Variants in KCNB2 observed in about 807,000 individuals in gnomAD.
KCNB2 encodes the protein potassium voltage-gated channel subfamily B member 2, also known as delayed rectifier potassium channel protein.
Under a neutral mutation model 61.5 loss-of-function variants are expected in KCNB2, and 15 were observed. That is an observed-to-expected ratio of 0.24 (90% CI 0.16 to 0.38). The LOEUF (loss-of-function observed/expected upper bound fraction) is 0.38, where lower values mean the gene tolerates loss of function less well. Among genes scored for constraint, KCNB2 ranks in the 10% least tolerant of loss-of-function variants. KCNB2 has a pLI of 1.00. For missense variants in KCNB2, 828 were observed against 1,125.2 expected (o/e 0.74, Z 3.78); for synonymous variants, 457 against 446.0 (o/e 1.02, Z -0.31).
chr8:72,768,470 C>G (rs1808498051), intron 2 of KCNB2, among the ~76,000 whole-genome samples: 1 of 151,920 alleles, frequency 6.6e-6, no homozygotes, highest in African/African-American at 2.4e-5. Flanking sequence ...CTACCGGGCC[C>G]AGCCATCTTT....
intron 2 of KCNB2, among the ~76,000 whole-genome samples, chr8:72,926,559 C>G (rs916298292): frequency 6.6e-6 from 1 of 151,862 alleles, no homozygotes; most frequent in Admixed American, 6.6e-5. Context: ...GATATTAAGC[C>G]CAGCACCCAT....
In KCNB2 at chr8:72,597,672, T is replaced by C. The variant is rs116499800; in HGVS notation, c.579+29359T>C. ...TAGAAGAAGAATTAACTTTATTGGG[T>C]AGGTGAGTACAGTTTAGCCATAATG... On this transcript the variant is annotated intron_variant, in intron 2 of 2. Coordinates refer to ENST00000523207, the MANE Select transcript of KCNB2 (RefSeq NM_004770.3). 4.0e-3 allele frequency among the ~76,000 whole-genome samples: 604 copies of C among 152,262 alleles called. 5 individuals are homozygous for C. Among genetic ancestry groups the C allele is most frequent in the African/African-American group, 0.014 (569 of 41,554 alleles).
At chr8:72,654,212 A>G (rs1159744583) in intron 2 of KCNB2, among the ~76,000 whole-genome samples, 1 of 152,152 alleles carries the variant, frequency 6.6e-6, no homozygotes, top group Non-Finnish European at 1.5e-5. Flanking sequence ...CTTCTGTTCC[A>G]CAGCAAATAT....
At chr8:72,863,130 G>T (rs1294951706) in intron 2 of KCNB2, among the ~76,000 whole-genome samples, 1 of 152,120 alleles carries the variant, frequency 6.6e-6, no homozygotes, top group Non-Finnish European at 1.5e-5. Context: ...ATCCAATTCA[G>T]TTCTGCCTAG....
At position 72,824,234 on chromosome 8, in the gene KCNB2, C is replaced by T. The variant is rs77251398; in HGVS notation, c.580-111701C>T. 7.4e-3 allele frequency among the ~76,000 whole-genome samples: 1,132 copies of T among 152,162 alleles called. 12 individuals are homozygous for T. The highest frequency in any genetic ancestry group is 0.02 in the African/African-American group (847 of 41,504). ...CTTCATGCCACCCCCTTCCTGTATC[C>T]GTTCTGCAGGAGTAGGGTGAGACGC... On this transcript the variant is annotated intron_variant, in intron 2 of 2. Transcript: ENST00000523207.
rs142315598 is a variant in KCNB2 at position 72,686,958 on chromosome 8, T to C, written c.579+118645T>C. Reference sequence around the variant, plus strand: ...TAATGAGGATAGGCTGTCTCCACATTCCTGTAGAATTCCCTGGAGAAATCT... The same window carrying C: ...TAATGAGGATAGGCTGTCTCCACATCCCTGTAGAATTCCCTGGAGAAATCT... On this transcript the variant is annotated intron_variant, in intron 2 of 2. Transcript: ENST00000523207. Among the ~76,000 whole-genome samples, 52 of 152,294 alleles carry C rather than the reference T, an allele frequency of 3.4e-4. 1 individual carries two copies. The highest frequency in any genetic ancestry group is 1.3e-3 in the African/African-American group (52 of 41,568).
chr8:72,685,323 A>G (rs1232684079), intron 2 of KCNB2, among the ~76,000 whole-genome samples: 2 of 152,118 alleles, frequency 1.3e-5, no homozygotes, highest in African/African-American at 4.8e-5. Context: ...TCTGAAAAAT[A>G]TATATATAAA....
chr8:72,884,681 C>G (rs1805772657), intron 2 of KCNB2, among the ~76,000 whole-genome samples: 1 of 152,102 alleles, frequency 6.6e-6, no homozygotes, highest in Non-Finnish European at 1.5e-5. Context: ...TTTATCTTTT[C>G]CATGCTTATC....
intron 2 of KCNB2, among the ~76,000 whole-genome samples, chr8:72,693,365 A>T (rs1366164747): frequency 6.6e-6 from 1 of 152,094 alleles, no homozygotes; most frequent in Non-Finnish European, 1.5e-5. Context: ...CACTCCTGTG[A>T]CACCTCTTGT....
chr8:72,809,839 T>G (rs1000831764), intron 2 of KCNB2, among the ~76,000 whole-genome samples: 1 of 152,196 alleles, frequency 6.6e-6, no homozygotes, highest in African/African-American at 2.4e-5. Context: ...TAATGCCTTT[T>G]GCAAAGGTAC....
rs77668432 is a variant in KCNB2 at position 72,798,118 on chromosome 8, G to A, written c.580-137817G>A. Reference sequence around the variant, plus strand: ...AACACATAGCAATTCTGCATTTGCCGTTGATGCTAAGCAGCAACTTACATC... The same window carrying A: ...AACACATAGCAATTCTGCATTTGCCATTGATGCTAAGCAGCAACTTACATC... On this transcript the variant is annotated intron_variant, in intron 2 of 2. Coordinates refer to ENST00000523207, the MANE Select transcript of KCNB2 (RefSeq NM_004770.3). Among the ~76,000 whole-genome samples, 119 of 152,018 alleles carry A rather than the reference G, an allele frequency of 7.8e-4. 1 individual carries two copies. The East Asian group carries it at 0.021, about 26-fold the overall frequency.
intron 2 of KCNB2, among the ~76,000 whole-genome samples, chr8:72,787,093 A>G (rs1197198490): frequency 6.6e-6 from 1 of 152,210 alleles, no homozygotes; most frequent in Admixed American, 6.5e-5. Flanking sequence ...TTCCCCTGAC[A>G]CAGGGAGTAA....
intron 2 of KCNB2, among the ~76,000 whole-genome samples, chr8:72,756,593 A>T (rs1372573570): frequency 6.6e-6 from 1 of 152,236 alleles, no homozygotes; most frequent in African/African-American, 2.4e-5. Flanking sequence ...TTCCTAATTG[A>T]TTCCAATGTT....
In KCNB2 at chr8:72,654,238, G is replaced by A. The variant is rs1205564056; in HGVS notation, c.579+85925G>A. Among the ~76,000 whole-genome samples the A allele has an allele frequency of 3.9e-5, 6 of 152,120 alleles. No individual in the cohort carries two copies. The South Asian group carries it at 8.3e-4, about 21-fold the overall frequency. ...CAGCAAATATCATCTTCCAAAGAGC[G>A]TAAACCTAGATACCTCACTGGGGCC... On this transcript the variant is annotated intron_variant, in intron 2 of 2. Coordinates refer to ENST00000523207, the MANE Select transcript of KCNB2 (RefSeq NM_004770.3).
At chr8:72,690,746 T>A (rs1009897120) in intron 2 of KCNB2, among the ~76,000 whole-genome samples, 1 of 152,228 alleles carries the variant, frequency 6.6e-6, no homozygotes, top group African/African-American at 2.4e-5. Flanking sequence ...AAGTACATTA[T>A]GATTATTTCT....
intron 2 of KCNB2, among the ~76,000 whole-genome samples, chr8:72,719,539 C>A (rs1017016820): frequency 1.3e-5 from 2 of 152,070 alleles, no homozygotes; most frequent in South Asian, 4.2e-4. Context: ...AAGTGGCTAG[C>A]GTTTTCATAT....
At chr8:72,633,149 C>T (rs191023936) in intron 2 of KCNB2, among the ~76,000 whole-genome samples, 18 of 152,166 alleles carry the variant, frequency 1.2e-4, no homozygotes, top group East Asian at 5.8e-4. Flanking sequence ...AGGTTATTGG[C>T]GGAAAGAGGA....
At chr8:72,664,387 G>A (rs146995723) in intron 2 of KCNB2, among the ~76,000 whole-genome samples, 9 of 152,168 alleles carry the variant, frequency 5.9e-5, no homozygotes, top group Non-Finnish European at 1.0e-4. Context: ...AGAATAAAGT[G>A]CCATAAACAC....
chr8:72,859,706 C>CTTTTTTTTTTTTTTTTTT lies in KCNB2; in HGVS notation c.580-76229_580-76228insTTTTTTTTTTTTTTTTTT, dbSNP rs1810264452. Among the ~76,000 whole-genome samples the CTTTTTTTTTTTTTTTTTT allele has an allele frequency of 1.6e-4, 12 of 73,448 alleles. 6 individuals carry two copies. Among genetic ancestry groups the CTTTTTTTTTTTTTTTTTT allele is most frequent in the Non-Finnish European group, 2.4e-4 (10 of 41,236 alleles). 48.2% of individuals were successfully genotyped at this position (73,448 alleles called of 152,430 possible). A position where few individuals can be genotyped will look rare whatever the true frequency, so the allele number is the denominator to read the frequency against. ...TGTAGCATGGATCAGTACTTCATTT[C>CTTTTTTTTTTTTTTTTTT]GTTTTTTTTTTTTTTTTTTTTTTTT... is the stretch of plus-strand genomic sequence containing the variant. On this transcript the variant is annotated intron_variant, in intron 2 of 2. Coordinates refer to ENST00000523207, the MANE Select transcript of KCNB2 (RefSeq NM_004770.3).
Sources: gnomAD v4.1 joint callset for allele counts (sites outside exome capture counted in the v4.1 genomes callset) on GRCh38, gnomAD v4.1.1 for gene constraint, MANE v1.5 for transcripts, NCBI Gene and HGNC (gene_info 2026-07-23, HGNC 2026-07-21) for gene names.